KCNG2: variants seen among roughly 807,000 people sequenced by gnomAD.
The protein encoded by KCNG2 is potassium voltage-gated channel modifier subfamily G member 2.
KCNG2 carries 7 observed loss-of-function variants against 12.3 expected under a neutral mutation model. The ratio of observed to expected loss-of-function variants is 0.57; its 90% confidence interval spans 0.32 to 1.07. KCNG2 has a LOEUF of 1.07. Among genes scored for constraint, KCNG2 ranks in the 50% least tolerant of loss-of-function variants. The pLI, the probability that KCNG2 is intolerant of heterozygous loss-of-function variation, is 0.04. For missense variants in KCNG2, 703 were observed against 726.0 expected (o/e 0.97, Z 0.36); for synonymous variants, 414 against 351.4 (o/e 1.18, Z -1.99).
At chr18:79,897,785 C>A (rs1981030925) in intron 3 of KCNG2, among the ~76,000 whole-genome samples, 1 of 151,300 alleles carries the variant, frequency 6.6e-6, no homozygotes, top group African/African-American at 2.4e-5. Flanking sequence ...CCTGTGTGCC[C>A]CTCTTCCTCC....
intron 1 of KCNG2, among the ~76,000 whole-genome samples, chr18:79,799,373 G>A (rs1475406938): frequency 1.3e-5 from 2 of 152,146 alleles, no homozygotes; most frequent in African/African-American, 2.4e-5. Context: ...CTGGGATGGT[G>A]CAGGGTACAC....
Position 79,899,086 on chromosome 18 carries a change from T to C in KCNG2, c.671T>C (p.Val224Ala). Reference protein sequence around the residue: ...KCRSLFVLETVCVAWFSFEFL... With the variant: ...KCRSLFVLETACVAWFSFEFL... ...CGCAGCCTGTTCGTGCTGGAGACCG[T>C]GTGCGTGGCCTGGTTCTCCTTCGAG... Residue 224 changes from valine (V) to alanine (A), a missense_variant, in exon 4 of 4, where the codon GTG becomes GCG. By Grantham distance (64) the Val-to-Ala change is moderately conservative. Coordinates refer to ENST00000316249, the MANE Select transcript of KCNG2 (RefSeq NM_012283.2). 1 of 1,598,938 alleles carries C rather than the reference T, an allele frequency of 6.3e-7. No individual in the cohort carries two copies. Among genetic ancestry groups the C allele is most frequent in the Middle Eastern group, 1.7e-4 (1 of 6,026 alleles).
intron 3 of KCNG2, 65 bp from the exon 4 acceptor site, chr18:79,898,975 G>C: frequency 1.6e-6 from 2 of 1,267,672 alleles, no homozygotes; most frequent in Non-Finnish European, 2.1e-6. Flanking sequence ...GGGAAAGGAA[G>C]GGCAAGGCGC....
At chr18:79,840,714 C>T (rs898463163) in intron 1 of KCNG2, among the ~76,000 whole-genome samples, 1 of 152,150 alleles carries the variant, frequency 6.6e-6, no homozygotes, top group Non-Finnish European at 1.5e-5. Context: ...TAATAATTGA[C>T]ACTTTGTGGT....
chr18:79,876,734 G>A (rs182953402), intron 3 of KCNG2, among the ~76,000 whole-genome samples: 22 of 152,340 alleles, frequency 1.4e-4, no homozygotes, highest in Admixed American at 1.1e-3. Context: ...CCTGCAGACC[G>A]CCTGGTCTCG....
chr18:79,898,087 C>T (rs953546146), intron 3 of KCNG2, among the ~76,000 whole-genome samples: 23 of 152,218 alleles, frequency 1.5e-4, no homozygotes, highest in African/African-American at 5.3e-4. Context: ...GTGGTCAGCA[C>T]ACGCATGAAT....
chr18:79,882,814 C>T (rs959853687), intron 3 of KCNG2, among the ~76,000 whole-genome samples: 4 of 151,694 alleles, frequency 2.6e-5, no homozygotes, highest in Non-Finnish European at 5.9e-5. Context: ...TACACCTGCG[C>T]GTGGAGCGCG....
Position 79,899,739 on chromosome 18 carries a change from G to A in KCNG2, c.1324G>A (p.Asp442Asn), listed in dbSNP as rs753597483. ...DSTHSATATEDSSQGPDSAGL... is the reference protein window; with the variant it reads ...DSTHSATATENSSQGPDSAGL... ...CACGCACTCGGCCACAGCCACCGAG[G>A]ACAGCTCGCAGGGCCCCGACAGCGC... Residue 442 changes from aspartate to asparagine, a missense_variant, in exon 4 of 4, where the codon GAC becomes AAC. Asp to Asn is a conservative substitution (Grantham distance 23). Coordinates refer to ENST00000316249, the MANE Select transcript of KCNG2 (RefSeq NM_012283.2). 3.8e-5 allele frequency: 60 copies of A among 1,593,540 alleles called. No individual in the cohort carries two copies. The highest frequency in any genetic ancestry group is 5.6e-5 in the South Asian group (5 of 88,850).
intron 3 of KCNG2, among the ~76,000 whole-genome samples, chr18:79,887,701 C>G (rs536660109): frequency 6.6e-6 from 1 of 152,304 alleles, no homozygotes; most frequent in African/African-American, 2.4e-5. Context: ...GAGCTCTGGC[C>G]ACGAGCCTCC....
At chr18:79,844,943 C>T (rs1035852279) in intron 1 of KCNG2, among the ~76,000 whole-genome samples, 1 of 152,190 alleles carries the variant, frequency 6.6e-6, no homozygotes, top group Non-Finnish European at 1.5e-5. Flanking sequence ...TGAGCATTTA[C>T]CCCAGAGAGG....
At chr18:79,868,481 A>T (rs1979700159) in intron 3 of KCNG2, among the ~76,000 whole-genome samples, 1 of 152,192 alleles carries the variant, frequency 6.6e-6, no homozygotes, top group Admixed American at 6.5e-5. Context: ...TGACTGACCG[A>T]AGGTCTTTTT....
chr18:79,801,552 T>G (rs1166551449), intron 1 of KCNG2, among the ~76,000 whole-genome samples: 2 of 152,228 alleles, frequency 1.3e-5, no homozygotes, highest in Non-Finnish European at 2.9e-5. Flanking sequence ...TTAATGGCCT[T>G]CTGGATATTT....
chr18:79,832,793 G>A (rs534315368), intron 1 of KCNG2, among the ~76,000 whole-genome samples: 2 of 152,354 alleles, frequency 1.3e-5, no homozygotes, highest in Admixed American at 1.3e-4. Context: ...TTAGAAGAGT[G>A]TTACATGCTT....
In KCNG2 at chr18:79,861,365, G is replaced by A. The variant is rs544406838; in HGVS notation, c.-40-2263G>A. The stretch of plus-strand genomic sequence containing the variant: ...GCGATCTCGGCTCACTGAAACCTCC[G>A]TTCCCAGGTTCAGGCAATTCTCCCT... On this transcript the variant is annotated intron_variant, in intron 2 of 3. Coordinates refer to ENST00000316249, the MANE Select transcript of KCNG2 (RefSeq NM_012283.2). Among the ~76,000 whole-genome samples, 19 of 139,166 alleles carry A rather than the reference G, an allele frequency of 1.4e-4. No individual in the cohort carries two copies. The East Asian group carries it at 1.6e-3, about 11-fold the overall frequency. The allele number at this position is 139,166 out of a possible 152,430, so 91.3% of individuals were successfully genotyped here. A position where few individuals can be genotyped will look rare whatever the true frequency, so the allele number is the denominator to read the frequency against.
chr18:79,804,871 G>A (rs554335190), intron 1 of KCNG2, among the ~76,000 whole-genome samples: 14 of 152,302 alleles, frequency 9.2e-5, no homozygotes, highest in South Asian at 2.1e-4. Flanking sequence ...AAAATCTTGC[G>A]TAAGATTGCA....
At chr18:79,827,259 C>T (rs1329482690) in intron 1 of KCNG2, among the ~76,000 whole-genome samples, 2 of 152,242 alleles carry the variant, frequency 1.3e-5, no homozygotes, top group East Asian at 3.9e-4. Context: ...CCCCGGAGCC[C>T]CCAGGGCAGG....
intron 1 of KCNG2, among the ~76,000 whole-genome samples, chr18:79,841,621 T>C (rs183783684): frequency 1.3e-5 from 2 of 152,300 alleles, no homozygotes; most frequent in East Asian, 3.9e-4. Flanking sequence ...CCAAAGAGAA[T>C]AGATGACAAA....
chr18:79,852,905 A>G (rs541768317), intron 1 of KCNG2, among the ~76,000 whole-genome samples: 5 of 152,358 alleles, frequency 3.3e-5, no homozygotes, highest in Admixed American at 6.5e-5. Flanking sequence ...GCAGCCTCCT[A>G]CCTTAGCAGA....
chr18:79,818,832 C>T (rs1394594095), intron 1 of KCNG2, among the ~76,000 whole-genome samples: 1 of 152,142 alleles, frequency 6.6e-6, no homozygotes, highest in African/African-American at 2.4e-5. Context: ...TCCCAGGCAG[C>T]AAAGGGGGCC....
Sources: allele counts gnomAD v4.1 joint callset (sites outside exome capture counted in the v4.1 genomes callset), GRCh38; gene constraint gnomAD v4.1.1; transcripts MANE v1.5; gene names NCBI Gene and HGNC (gene_info 2026-07-23, HGNC 2026-07-21).